IL18BP: variants seen among roughly 807,000 people sequenced by gnomAD.
The protein encoded by IL18BP is interleukin-18-binding protein.
A neutral mutation model predicts 19.9 loss-of-function variants in IL18BP; 23 were observed. The ratio of observed to expected loss-of-function variants is 1.15; its 90% CI spans 0.83 to 1.64. The LOEUF (loss-of-function observed/expected upper bound fraction) is 1.64. Among genes scored for constraint, IL18BP ranks in the 40% most tolerant of loss-of-function variants. The pLI is 0.00. For synonymous variants in IL18BP, 107 were observed against 101.0 expected (o/e 1.06, Z -0.35); for missense variants, 239 against 240.7 (o/e 0.99, Z 0.05).
rs779492592 is a variant in IL18BP at position 72,000,350 on chromosome 11, G to C, written c.29-1G>C. 2 of 1,613,436 alleles carry C rather than the reference G, an allele frequency of 1.2e-6. No individual in the cohort carries two copies. The highest frequency in any genetic ancestry group is 1.7e-6 in the Non-Finnish European group (2 of 1,179,892). ...CTGACCTGTAACTGTCCTTTCCTCA[G>C]ACCTCAGCCCTTTGTGGGTCCTGCT... On this transcript the variant is annotated splice_acceptor_variant, in intron 2 of 5. Transcript: ENST00000393703. LOFTEE classifies it high-confidence loss of function.
Position 72,000,345 on chromosome 11 carries a change from C to G in IL18BP, c.29-6C>G. The G allele has an allele frequency of 1.2e-6, 2 of 1,613,194 alleles. No homozygotes were observed. The highest frequency in any genetic ancestry group is 1.7e-6 in the Non-Finnish European group (2 of 1,179,728). The stretch of plus-strand genomic sequence containing the variant: ...AGCCGCTGACCTGTAACTGTCCTTT[C>G]CTCAGACCTCAGCCCTTTGTGGGTC... On this transcript the variant is annotated splice_region_variant and splice_polypyrimidine_tract_variant and intron_variant, in intron 2 of 5. Coordinates refer to ENST00000393703, the MANE Select transcript of IL18BP (RefSeq NM_001039660.2).
downstream of IL18BP, chr11:72,003,549 C>G (rs1955408757): frequency 6.2e-7 from 1 of 1,614,178 alleles, no homozygotes; most frequent in Non-Finnish European, 8.5e-7. Context: ...CTGAAAGAGA[C>G]ACAGTCACAT....
chr11:72,003,875 C>A, downstream of IL18BP: 1 of 1,613,068 alleles, frequency 6.2e-7, no homozygotes, highest in African/African-American at 1.3e-5. Context: ...CCCATCCTGC[C>A]AGTGCCTCTA....
At chr11:72,005,694 G>C, downstream of IL18BP, 1 of 493,686 alleles carries the variant, frequency 2.0e-6, no homozygotes. Flanking sequence ...GCTCCCTGGT[G>C]CCCAAAGGAC....
At chr11:72,004,668 T>C, downstream of IL18BP, 1 of 1,613,024 alleles carries the variant, frequency 6.2e-7, no homozygotes. Context: ...CTGGTGGGGC[T>C]CTAGGGAGAC....
chr11:72,006,533 G>A (rs889646550), downstream of IL18BP, among the ~76,000 whole-genome samples: 2 of 152,178 alleles, frequency 1.3e-5, no homozygotes, highest in Admixed American at 6.5e-5. Context: ...GTGTTTATCG[G>A]CCCATTTTGG....
chr11:72,003,495 C>G, downstream of IL18BP: 1 of 1,611,684 alleles, frequency 6.2e-7, no homozygotes, highest in Non-Finnish European at 8.5e-7. Flanking sequence ...GCATCGGGGA[C>G]ACAGGTGGGG....
At chr11:72,005,831 T>C (rs1955647513), downstream of IL18BP, 8 of 579,538 alleles carry the variant, frequency 1.4e-5, no homozygotes, top group South Asian at 1.8e-4. Flanking sequence ...CCCTTAACTC[T>C]GGCTAAGAGT....
At chr11:72,004,958 T>G (rs1955588057), downstream of IL18BP, 2 of 880,996 alleles carry the variant, frequency 2.3e-6, no homozygotes, top group Middle Eastern at 3.5e-4. Context: ...ACACAAGGCC[T>G]CCTTTCCTGT....
At chr11:72,004,230 T>G (rs770301161), downstream of IL18BP, 3 of 1,610,432 alleles carry the variant, frequency 1.9e-6, no homozygotes, top group Non-Finnish European at 2.5e-6. Flanking sequence ...CTCACCTGTT[T>G]AGTAGAAGCT....
chr11:72,003,023 C>T (rs984622746), downstream of IL18BP: 4 of 236,668 alleles, frequency 1.7e-5, no homozygotes, highest in Non-Finnish European at 3.3e-5. Flanking sequence ...CAACCCCACT[C>T]CTGAGACATA....
At chr11:72,001,348 G>A in intron 4 of IL18BP, 24 bp downstream of exon 4, 1 of 1,614,232 alleles carries the variant, frequency 6.2e-7, no homozygotes. Flanking sequence ...CAGCCAGGTG[G>A]GTGGGAAGGA....
downstream of IL18BP, chr11:72,003,506 C>A (rs199509569): frequency 3.2e-5 from 52 of 1,613,466 alleles, no homozygotes; most frequent in African/African-American, 6.4e-4. Context: ...ACAGGTGGGG[C>A]CACTCACTGG....
chr11:72,006,275 A>T, downstream of IL18BP: 1 of 1,612,442 alleles, frequency 6.2e-7, no homozygotes, highest in Non-Finnish European at 8.5e-7. Flanking sequence ...TGGAAGACAG[A>T]GTGAATCTGT....
chr11:72,002,071 C>G lies in IL18BP; in HGVS notation c.*210C>G. On this transcript the variant is annotated 3_prime_UTR_variant, in exon 6 of 6. Transcript: ENST00000393703. ...CAGCCTCCTTATAATGCCTCCTCCT[C>G]CTGCCATTCTCTCTCCACCTATCCA... 1.5e-6 allele frequency: 1 copy of G among 669,440 alleles called. No homozygotes were observed. The highest frequency in any genetic ancestry group is 2.6e-6 in the Non-Finnish European group (1 of 383,908). The allele number at this position is 669,440 out of a possible 1,614,324, so 41.5% of individuals were successfully genotyped here. A position where few individuals can be genotyped will look rare whatever the true frequency, so the allele number is the denominator to read the frequency against.
downstream of IL18BP, chr11:72,006,372 A>G (rs1955699842): frequency 5.6e-6 from 5 of 893,044 alleles, no homozygotes; most frequent in East Asian, 1.1e-4. Context: ...TGTATTCCCA[A>G]CTGCTTTGCA....
chr11:72,005,980 C>T, downstream of IL18BP: 5 of 1,398,820 alleles, frequency 3.6e-6, no homozygotes, highest in East Asian at 2.3e-5. Context: ...CCCTGTGCCA[C>T]GATCCACCTT....
chr11:72,001,536 T>C lies in IL18BP; in HGVS notation c.491T>C (p.Val164Ala), dbSNP rs773565474. 1.2e-6 allele frequency: 2 copies of C among 1,612,800 alleles called. No homozygotes were observed. Among genetic ancestry groups the C allele is most frequent in the Admixed American group, 3.3e-5 (2 of 59,854 alleles). Residue 164 changes from valine to alanine, a missense_variant, in exon 5 of 6, where the codon GTC becomes GCC. By Grantham distance (64) the Val-to-Ala change is moderately conservative. Transcript: ENST00000393703. ...GAACAGGTTGTCCAGCGTCACGTCGTCCTGGCCCAGCTCTGGGTGAGGAGC... is the reference window on the plus strand; with the variant it reads ...GAACAGGTTGTCCAGCGTCACGTCGCCCTGGCCCAGCTCTGGGTGAGGAGC... ...DPEQVVQRHV[V>A]LAQLWAGLRA...
At chr11:72,004,465 C>T (rs941288611), downstream of IL18BP, 6 of 1,220,194 alleles carry the variant, frequency 4.9e-6, no homozygotes, top group South Asian at 5.1e-5. Context: ...CCCTTCCCAA[C>T]TCTGGGCCAG....
Sources: allele counts gnomAD v4.1 joint callset (sites outside exome capture counted in the v4.1 genomes callset), GRCh38; gene constraint gnomAD v4.1.1; transcripts MANE v1.5; gene names NCBI Gene and HGNC (gene_info 2026-07-23, HGNC 2026-07-21).